Variants in TCERG1L observed in about 807,000 individuals in gnomAD.
The protein encoded by TCERG1L is transcription elongation regulator 1 like, also known as transcription elongation regulator 1-like protein.
A neutral mutation model predicts 56.3 loss-of-function variants in TCERG1L; 37 were observed. The ratio of observed to expected loss-of-function variants is 0.66; its 90% confidence interval spans 0.51 to 0.87. The LOEUF (loss-of-function observed/expected upper bound fraction) is 0.87, where lower values mean the gene tolerates loss of function less well. Ranked by LOEUF, TCERG1L falls within the 40% of genes least tolerant of loss-of-function variation. The pLI is 0.00. For synonymous variants in TCERG1L, 324 were observed against 326.3 expected, an observed-to-expected ratio of 0.99 and a Z score of 0.08; for missense variants, 799 against 774.2, an observed-to-expected ratio of 1.03 and a Z score of -0.38.
Position 131,092,918 on chromosome 10 carries a change from T to C in TCERG1L, c.*244A>G. The C allele has an allele frequency of 2.4e-6, 1 of 417,810 alleles. No individual in the cohort carries two copies. Among genetic ancestry groups the C allele is most frequent in the South Asian group, 4.9e-5 (1 of 20,294 alleles). 25.9% of individuals were successfully genotyped at this position (417,810 alleles called of 1,614,324 possible). On this transcript the variant is annotated 3_prime_UTR_variant, in exon 12 of 12. Transcript: ENST00000368642. ...TTGTGTATATTACAAGTAATTTGCA[T>C]AATTAAAACAATTAAGGGATCGACG...
chr10:131,234,428 A>G (rs1350221798), intron 4 of TCERG1L, among the ~76,000 whole-genome samples: 2 of 152,246 alleles, frequency 1.3e-5, no homozygotes, highest in Non-Finnish European at 2.9e-5. Context: ...GGAATGCAAT[A>G]TAAAAGCTGT....
At position 131,215,129 on chromosome 10, in the gene TCERG1L, C is replaced by T. The variant is rs183445371; in HGVS notation, c.856+45130G>A. The stretch of plus-strand genomic sequence containing the variant: ...ATACTCTGATACTTTCTACTCAATG[C>T]CACTTTATGTGAAAGCAGTGCTGGT... On this transcript the variant is annotated intron_variant, in intron 4 of 11. Transcript: ENST00000368642. Among the ~76,000 whole-genome samples, 6 of 152,288 alleles carry T rather than the reference C, an allele frequency of 3.9e-5. No individual in the cohort carries two copies. In the East Asian group the frequency reaches 1.2e-3, roughly 30 times the overall value.
chr10:131,224,713 C>T (rs1162386529), intron 4 of TCERG1L, among the ~76,000 whole-genome samples: 4 of 152,168 alleles, frequency 2.6e-5, no homozygotes, highest in Middle Eastern at 3.2e-3. Context: ...GGGAAGTGCA[C>T]GGCCCATCGC....
At chr10:131,279,750 A>T (rs944853858) in intron 3 of TCERG1L, among the ~76,000 whole-genome samples, 1 of 152,146 alleles carries the variant, frequency 6.6e-6, no homozygotes, top group African/African-American at 2.4e-5. Context: ...TCCCCTAAAC[A>T]TCTGTAGGGA....
chr10:131,134,956 G>A (rs954335428), intron 7 of TCERG1L, among the ~76,000 whole-genome samples: 5 of 152,142 alleles, frequency 3.3e-5, no homozygotes, highest in Non-Finnish European at 5.9e-5. Context: ...CACTATGGAC[G>A]CCCATCTACT....
intron 10 of TCERG1L, 28 bp downstream of exon 10, chr10:131,104,237 C>A (rs778717543): frequency 2.7e-6 from 4 of 1,457,480 alleles, no homozygotes; most frequent in Non-Finnish European, 3.8e-6. Context: ...CATGTCTCTG[C>A]AGTCAAAGTG....
At chr10:131,241,010 GGTCTAT>G (rs1845965930) in intron 4 of TCERG1L, among the ~76,000 whole-genome samples, 1 of 152,254 alleles carries the variant, frequency 6.6e-6, no homozygotes, top group African/African-American at 2.4e-5. Flanking sequence ...GCACGGCCAA[GGTCTAT>G]GAGGCGGCAG....
chr10:131,105,612 A>G (rs1845345159), intron 9 of TCERG1L, among the ~76,000 whole-genome samples: 1 of 150,784 alleles, frequency 6.6e-6, no homozygotes, highest in Non-Finnish European at 1.5e-5. Context: ...CCTCCATGTT[A>G]CTTATGTACT....
At chr10:131,155,000 A>G (rs1845904633) in intron 6 of TCERG1L, among the ~76,000 whole-genome samples, 1 of 152,224 alleles carries the variant, frequency 6.6e-6, no homozygotes, top group Non-Finnish European at 1.5e-5. Context: ...GCTGCTGCAC[A>G]GTGAGAGTCC....
chr10:131,249,622 C>G (rs1338752793), intron 4 of TCERG1L, among the ~76,000 whole-genome samples: 1 of 152,186 alleles, frequency 6.6e-6, no homozygotes, highest in Non-Finnish European at 1.5e-5. Context: ...TTTTTGAAAG[C>G]CTCAGAAGTA....
At chr10:131,173,865 GTGA>G (rs1846117783) in intron 4 of TCERG1L, among the ~76,000 whole-genome samples, 1 of 152,206 alleles carries the variant, frequency 6.6e-6, no homozygotes, top group Admixed American at 6.5e-5. Context: ...AATCCCGCTG[GTGA>G]GGAGCTGGTG....
intron 3 of TCERG1L, among the ~76,000 whole-genome samples, chr10:131,269,427 T>C (rs1846316403): frequency 6.6e-6 from 1 of 152,190 alleles, no homozygotes; most frequent in African/African-American, 2.4e-5. Context: ...CCTCAAGTGA[T>C]CTGCCCGTCT....
intron 8 of TCERG1L, among the ~76,000 whole-genome samples, chr10:131,124,422 T>C (rs1000296907): frequency 6.6e-6 from 1 of 152,236 alleles, no homozygotes; most frequent in African/African-American, 2.4e-5. Flanking sequence ...TTCGGAGCGA[T>C]GCTTCTGGAA....
At chr10:131,094,450 G>C (rs906026464) in intron 11 of TCERG1L, among the ~76,000 whole-genome samples, 2 of 152,182 alleles carry the variant, frequency 1.3e-5, no homozygotes, top group African/African-American at 4.8e-5. Flanking sequence ...CAAACAACAA[G>C]ATTATGCCGA....
chr10:131,119,002 C>T (rs888219985), intron 8 of TCERG1L, among the ~76,000 whole-genome samples: 5 of 152,136 alleles, frequency 3.3e-5, no homozygotes, highest in Admixed American at 6.6e-5. Context: ...TCATGTGGCC[C>T]AAGTGGGTCT....
In TCERG1L at chr10:131,198,477, G is replaced by C. The variant is rs1275961632; in HGVS notation, c.857-31592C>G. Among the ~76,000 whole-genome samples the C allele has an allele frequency of 2.0e-5, 3 of 152,220 alleles. No individual in the cohort carries two copies. The East Asian group carries it at 5.8e-4, about 29-fold the overall frequency. On this transcript the variant is annotated intron_variant, in intron 4 of 11. Coordinates refer to ENST00000368642, the MANE Select transcript of TCERG1L (RefSeq NM_174937.4). ...TCTCTGCCCATGCCGCACTGCCATA[G>C]CAAAACACCACCGGCTGAGTAATTT...
intron 11 of TCERG1L, among the ~76,000 whole-genome samples, chr10:131,094,278 G>T (rs1443904549): frequency 6.6e-6 from 1 of 152,208 alleles, no homozygotes; most frequent in African/African-American, 2.4e-5. Context: ...GCAGGGCCTG[G>T]CCTGGGCAGT....
chr10:131,146,733 C>CTT, intron 6 of TCERG1L, 73 bp from the exon 7 acceptor site: 1 of 1,471,116 alleles, frequency 6.8e-7, no homozygotes, highest in Non-Finnish European at 9.1e-7. Flanking sequence ...CATGAACTCT[C>CTT]ACTGAAAAAG....
chr10:131,146,636 G>A lies in TCERG1L; in HGVS notation c.1059C>T (p.Asp353=). 5.0e-6 allele frequency: 8 copies of A among 1,613,582 alleles called. No homozygotes were observed. The highest frequency in any genetic ancestry group is 5.9e-6 in the Non-Finnish European group (7 of 1,179,688). Reference sequence around the variant, plus strand: ...TCGTTGGGTTGAAGAAGAAAACTCGGTCATCGCCCGTCCAGACCACACACC... The same window carrying A: ...TCGTTGGGTTGAAGAAGAAAACTCGATCATCGCCCGTCCAGACCACACACC... ...SPWCVVWTGD[D]RVFFFNPTMH... The change falls in exon 7 of 12, where the codon GAC becomes GAT. Residue 353 remains aspartate, a synonymous_variant. Coordinates refer to ENST00000368642, the MANE Select transcript of TCERG1L (RefSeq NM_174937.4).
Sources: gnomAD v4.1 joint callset for allele counts (sites outside exome capture counted in the v4.1 genomes callset) on GRCh38, gnomAD v4.1.1 for gene constraint, MANE v1.5 for transcripts, NCBI Gene and HGNC (gene_info 2026-07-23, HGNC 2026-07-21) for gene names.